FUT8: variants seen among roughly 807,000 people sequenced by gnomAD.
FUT8 encodes the protein alpha-(1,6)-fucosyltransferase.
A neutral mutation model predicts 71.3 loss-of-function variants in FUT8; 29 were observed. The observed-to-expected ratio is 0.41, with a 90% CI of 0.30 to 0.55. The LOEUF is 0.55. Ranked by LOEUF, FUT8 falls within the 20% of genes least tolerant of loss-of-function variation. The pLI is 0.34. For synonymous variants in FUT8, 254 were observed against 239.3 expected, an observed-to-expected ratio of 1.06 and a Z score of -0.57; for missense variants, 544 against 702.1, an observed-to-expected ratio of 0.77 and a Z score of 2.55.
chr14:65,698,332 AG>A (rs1894100066), intron 7 of FUT8, among the ~76,000 whole-genome samples: 1 of 152,220 alleles, frequency 6.6e-6, no homozygotes, highest in African/African-American at 2.4e-5. Flanking sequence ...TGCCTGGAAA[AG>A]TGTACAGTAA....
At chr14:65,529,982 A>G (rs1566805328) in intron 2 of FUT8, among the ~76,000 whole-genome samples, 2 of 152,172 alleles carry the variant, frequency 1.3e-5, no homozygotes, top group South Asian at 4.1e-4. Flanking sequence ...CACTAACTAC[A>G]TCATAATTTT....
intron 1 of FUT8, among the ~76,000 whole-genome samples, chr14:65,433,908 C>T (rs1367996035): frequency 6.6e-6 from 1 of 152,078 alleles, no homozygotes; most frequent in Non-Finnish European, 1.5e-5. Flanking sequence ...AAGCCGTCCT[C>T]CTGCTTCAGC....
chr14:65,584,006 A>C (rs983552531), intron 3 of FUT8, among the ~76,000 whole-genome samples: 1 of 152,068 alleles, frequency 6.6e-6, no homozygotes, highest in African/African-American at 2.4e-5. Context: ...CAGCTTCCCG[A>C]GTAGCTGGGA....
At chr14:65,692,132 G>T (rs1019778538) in intron 7 of FUT8, among the ~76,000 whole-genome samples, 3 of 152,186 alleles carry the variant, frequency 2.0e-5, no homozygotes, top group African/African-American at 7.2e-5. Flanking sequence ...CTCCCAGACC[G>T]GGTGGTGGCC....
chr14:65,446,779 C>T (rs553102614), intron 1 of FUT8, among the ~76,000 whole-genome samples: 1 of 150,484 alleles, frequency 6.6e-6, no homozygotes, highest in African/African-American at 2.4e-5. Flanking sequence ...GGGAGCCTGC[C>T]CCTCACCCTC....
At chr14:65,639,334 G>A (rs147329682) in intron 6 of FUT8, among the ~76,000 whole-genome samples, 1 of 152,250 alleles carries the variant, frequency 6.6e-6, no homozygotes, top group African/African-American at 2.4e-5. Flanking sequence ...GCTTGTGGGA[G>A]CGTAGGTCCA....
chr14:65,736,284 G>T (rs1228345774), intron 10 of FUT8, among the ~76,000 whole-genome samples: 2 of 151,792 alleles, frequency 1.3e-5, no homozygotes, highest in Non-Finnish European at 2.9e-5. Context: ...TATATGAATA[G>T]TTATAGGAAT....
intron 2 of FUT8, among the ~76,000 whole-genome samples, chr14:65,549,829 T>C (rs1173894528): frequency 6.6e-6 from 1 of 152,160 alleles, no homozygotes; most frequent in Non-Finnish European, 1.5e-5. Flanking sequence ...TTCATTGCTC[T>C]GAAGGAATTC....
Position 65,742,146 on chromosome 14 carries a change from A to G in FUT8, c.1464A>G (p.Ala488=). ...AAACACTACATCCTGATGCCTCTGCAAACTTCCATTCTTTAGATGACATCT... is the reference window on the plus strand; with the variant it reads ...AAACACTACATCCTGATGCCTCTGCGAACTTCCATTCTTTAGATGACATCT... ...IMQTLHPDAS[A]NFHSLDDIYY... is the part of the protein sequence containing the mutation. The change falls in exon 11 of 11, where the codon GCA becomes GCG. Residue 488 remains alanine, a synonymous_variant. Coordinates refer to ENST00000673929, the MANE Select transcript of FUT8 (RefSeq NM_001371533.1). 2.5e-6 allele frequency: 4 copies of G among 1,613,140 alleles called. No individual in the cohort carries two copies. Among genetic ancestry groups the G allele is most frequent in the African/African-American group, 2.7e-5 (2 of 74,974 alleles).
intron 7 of FUT8, among the ~76,000 whole-genome samples, chr14:65,703,587 CA>C (rs144290263): frequency 0.025 from 3,810 of 152,296 alleles, 81 homozygotes; most frequent in Non-Finnish European, 0.039. Flanking sequence ...GTGACAGTAG[CA>C]GCTGTGGTTT....
At chr14:65,368,294 C>T in the FUT8 span, among the ~76,000 whole-genome samples, 8 of 133,258 alleles carry the variant, frequency 6.0e-5, no homozygotes, top group Non-Finnish European at 1.1e-4. Flanking sequence ...ACCTTGTGAT[C>T]CGCCCGCCTC....
At chr14:65,556,368 C>T (rs1327858031) in intron 2 of FUT8, among the ~76,000 whole-genome samples, 1 of 152,128 alleles carries the variant, frequency 6.6e-6, no homozygotes, top group Non-Finnish European at 1.5e-5. Context: ...TGGCGGGATT[C>T]AACAACCTTG....
the FUT8 span, among the ~76,000 whole-genome samples, chr14:65,376,207 T>C: frequency 3.6e-4 from 55 of 152,042 alleles, no homozygotes; most frequent in Non-Finnish European, 6.5e-4. Context: ...TCAAGTATGG[T>C]TTTCCATGAT....
intron 2 of FUT8, chr14:65,457,991 G>A (rs2139570110): frequency 6.6e-6 from 1 of 152,100 alleles, no homozygotes; most frequent in South Asian, 2.1e-4. Context: ...GACCATCCCG[G>A]CTAAAACGGT....
chr14:65,476,914 G>A (rs1225373725), intron 2 of FUT8, among the ~76,000 whole-genome samples: 1 of 152,006 alleles, frequency 6.6e-6, no homozygotes, highest in Non-Finnish European at 1.5e-5. Flanking sequence ...ATAAACTTCA[G>A]CAACTTCTAA....
At chr14:65,451,204 G>A (rs934180042) in intron 1 of FUT8, among the ~76,000 whole-genome samples, 5 of 152,348 alleles carry the variant, frequency 3.3e-5, no homozygotes, top group Middle Eastern at 3.4e-3. Flanking sequence ...ACAAGTGAAC[G>A]GGTGTGGGAA....
At chr14:65,520,093 A>T (rs1882981010) in intron 2 of FUT8, among the ~76,000 whole-genome samples, 1 of 152,198 alleles carries the variant, frequency 6.6e-6, no homozygotes, top group Non-Finnish European at 1.5e-5. Flanking sequence ...TTTAACATTT[A>T]ACAACATTTA....
rs2139925218 is a variant in FUT8 at position 65,533,937 on chromosome 14, T to C, written c.-227-27400T>C. 3.9e-5 allele frequency among the ~76,000 whole-genome samples: 6 copies of C among 152,340 alleles called. No individual in the cohort carries two copies. In the Middle Eastern group the frequency reaches 0.017, roughly 432 times the overall value. ...GTGTGATGAATCATACTTATTGATT[T>C]GCATAAGTTGAACCAACCTTGCATC... On this transcript the variant is annotated intron_variant, in intron 2 of 10. Coordinates refer to ENST00000673929, the MANE Select transcript of FUT8 (RefSeq NM_001371533.1).
chr14:65,454,373 T>TC (rs2065868975), intron 1 of FUT8, among the ~76,000 whole-genome samples: 2 of 152,110 alleles, frequency 1.3e-5, no homozygotes, highest in Admixed American at 1.3e-4. Flanking sequence ...ATGTTTGCAA[T>TC]CCCGGCACTT....
Sources: gnomAD v4.1 joint callset for allele counts (sites outside exome capture counted in the v4.1 genomes callset) on GRCh38, gnomAD v4.1.1 for gene constraint, MANE v1.5 for transcripts, NCBI Gene and HGNC (gene_info 2026-07-23, HGNC 2026-07-21) for gene names.